Variants in TMEFF2 observed in about 807,000 individuals in gnomAD.
TMEFF2 encodes the protein tomoregulin-2.
In TMEFF2, 28 loss-of-function variants were observed where a neutral mutation model predicts 53.8. The ratio of observed to expected loss-of-function variants is 0.52; its 90% CI spans 0.39 to 0.71. The LOEUF (loss-of-function observed/expected upper bound fraction) is 0.71, where lower values mean the gene tolerates loss of function less well. TMEFF2 is among the 30% of genes least tolerant of loss of function. TMEFF2 has a pLI of 0.00. For synonymous variants in TMEFF2, 162 were observed against 166.3 expected, an observed-to-expected ratio of 0.97 and a Z score of 0.20; for missense variants, 353 against 455.2, an observed-to-expected ratio of 0.78 and a Z score of 2.04.
rs1422606584 is a variant in TMEFF2 at position 191,956,396 on chromosome 2, AG to A, written c.746-19del. On this transcript the variant is annotated intron_variant, in intron 7 of 9. Transcript: ENST00000272771. ...AGCATTCTCTGTGAATACAGATAAA[AG>A]TAAGCACCCCCTGTAAATACTTAGC... 1.2e-6 allele frequency: 2 copies of A among 1,609,830 alleles called. No homozygotes were observed. Among genetic ancestry groups the A allele is most frequent in the Admixed American group, 3.4e-5 (2 of 59,242 alleles).
chr2:192,049,651 C>T (rs944777008), intron 5 of TMEFF2, among the ~76,000 whole-genome samples: 25 of 151,998 alleles, frequency 1.6e-4, no homozygotes, highest in Admixed American at 1.2e-3. Context: ...AGTTAGGCAA[C>T]CTACCATTAA....
At chr2:192,045,176 G>T (rs1213193127) in intron 5 of TMEFF2, among the ~76,000 whole-genome samples, 1 of 152,140 alleles carries the variant, frequency 6.6e-6, no homozygotes, top group East Asian at 1.9e-4. Context: ...CCTGAAAGTG[G>T]GCAGCTGCAG....
chr2:192,188,134 T>A (rs572276997), intron 2 of TMEFF2, among the ~76,000 whole-genome samples: 1 of 152,222 alleles, frequency 6.6e-6, no homozygotes, highest in Non-Finnish European at 1.5e-5. Flanking sequence ...TCCAATCCTT[T>A]GGCCATTCCA....
At chr2:192,047,266 T>G (rs902274252) in intron 5 of TMEFF2, among the ~76,000 whole-genome samples, 1 of 152,236 alleles carries the variant, frequency 6.6e-6, no homozygotes, top group African/African-American at 2.4e-5. Context: ...TAATTTTTGC[T>G]AATGTGAAGC....
chr2:192,049,345 A>G (rs1398335768), intron 5 of TMEFF2, among the ~76,000 whole-genome samples: 3 of 152,210 alleles, frequency 2.0e-5, no homozygotes, highest in Non-Finnish European at 2.9e-5. Context: ...GTTTTGTAAC[A>G]TGAGAATTAC....
chr2:192,034,032 G>A lies in TMEFF2; in HGVS notation c.536+23647C>T, dbSNP rs899326333. On this transcript the variant is annotated intron_variant, in intron 5 of 9. Coordinates refer to ENST00000272771, the MANE Select transcript of TMEFF2 (RefSeq NM_016192.4). The stretch of plus-strand genomic sequence containing the variant: ...CTACTAAAAATACAAAAAATTAGCC[G>A]GGCGTGGTGGCAAGCGCCTGTAGTC... Among the ~76,000 whole-genome samples, 35 of 151,920 alleles carry A rather than the reference G, an allele frequency of 2.3e-4. No homozygotes were observed. The East Asian group carries it at 5.1e-3, about 22-fold the overall frequency.
At chr2:192,133,088 A>G (rs916258639) in intron 4 of TMEFF2, among the ~76,000 whole-genome samples, 2 of 151,972 alleles carry the variant, frequency 1.3e-5, no homozygotes, top group African/African-American at 2.4e-5. Flanking sequence ...TAAACCTCTT[A>G]AAACTCCCCA....
In TMEFF2 at chr2:192,123,754, C is replaced by A. The variant is rs369657121; in HGVS notation, c.439+55914G>T. ...AATTAGTCCTCTGAGTTATTACAAACCATGATGATGTTTTGAACAAGCTAA... is the reference window on the plus strand; with the variant it reads ...AATTAGTCCTCTGAGTTATTACAAAACATGATGATGTTTTGAACAAGCTAA... On this transcript the variant is annotated intron_variant, in intron 4 of 9. Transcript: ENST00000272771. Among the ~76,000 whole-genome samples the A allele has an allele frequency of 2.8e-4, 43 of 152,234 alleles. 1 individual carries two copies. In the South Asian group the frequency reaches 8.3e-3, roughly 29 times the overall value.
At chr2:192,057,610 G>A in intron 5 of TMEFF2, 69 bp downstream of exon 5, 1 of 1,283,700 alleles carries the variant, frequency 7.8e-7, no homozygotes, top group Non-Finnish European at 1.1e-6. Context: ...TTGCAGAATG[G>A]TTGATGGTGT....
chr2:192,017,618 CTT>C (rs959248369), intron 5 of TMEFF2, among the ~76,000 whole-genome samples: 3 of 152,142 alleles, frequency 2.0e-5, no homozygotes, highest in South Asian at 2.1e-4. Flanking sequence ...TTTAATATCT[CTT>C]TTTATCTTTC....
In TMEFF2 at chr2:191,950,344, G is replaced by A. The variant is rs1336657013; in HGVS notation, c.1092C>T (p.Asp364=). The stretch of plus-strand genomic sequence containing the variant: ...ACCTCGTGGACGCTCTTGTTGTATT[G>A]TCTGAACTGTAGTGCCCTGTATTTT... The part of the protein sequence containing the change: ...QKQNTGHYSS[D]NTTRASTRLI The change falls in exon 10 of 10, where the codon GAC becomes GAT. Residue 364 remains aspartate, a synonymous_variant. Coordinates refer to ENST00000272771, the MANE Select transcript of TMEFF2 (RefSeq NM_016192.4). 7.4e-6 allele frequency: 12 copies of A among 1,613,698 alleles called. No individual in the cohort carries two copies. The highest frequency in any genetic ancestry group is 4.5e-5 in the East Asian group (2 of 44,838).
intron 4 of TMEFF2, among the ~76,000 whole-genome samples, chr2:192,087,235 T>C (rs1574360758): frequency 6.6e-6 from 1 of 152,054 alleles, no homozygotes; most frequent in Non-Finnish European, 1.5e-5. Flanking sequence ...AGATATTTAA[T>C]CCCCAACCAT....
At chr2:192,013,259 A>G (rs1686672369) in intron 5 of TMEFF2, among the ~76,000 whole-genome samples, 1 of 152,022 alleles carries the variant, frequency 6.6e-6, no homozygotes, top group African/African-American at 2.4e-5. Context: ...TGCTCCAACC[A>G]CACTAGACTT....
chr2:191,990,796 T>C (rs1029786000), intron 7 of TMEFF2, among the ~76,000 whole-genome samples: 2 of 151,592 alleles, frequency 1.3e-5, no homozygotes, highest in East Asian at 1.9e-4. Flanking sequence ...GTGTGAATTA[T>C]TGACATGTGA....
intron 5 of TMEFF2, among the ~76,000 whole-genome samples, chr2:192,004,470 A>G (rs1230502432): frequency 6.6e-6 from 1 of 152,186 alleles, no homozygotes; most frequent in Non-Finnish European, 1.5e-5. Context: ...ACTGAAAAAC[A>G]TAAGGCTCTG....
intron 4 of TMEFF2, among the ~76,000 whole-genome samples, chr2:192,136,308 TAAGAC>T (rs1166537643): frequency 6.6e-6 from 1 of 152,178 alleles, no homozygotes; most frequent in Non-Finnish European, 1.5e-5. Context: ...TTGATAATGA[TAAGAC>T]AAGAAAGAGA....
chr2:192,147,752 A>T (rs532324424), intron 4 of TMEFF2, among the ~76,000 whole-genome samples: 3 of 152,194 alleles, frequency 2.0e-5, no homozygotes, highest in South Asian at 4.1e-4. Flanking sequence ...GGAAGCATTT[A>T]CTTGACTTTC....
At chr2:192,181,470 A>G (rs1691183297) in intron 3 of TMEFF2, among the ~76,000 whole-genome samples, 1 of 151,778 alleles carries the variant, frequency 6.6e-6, no homozygotes, top group Non-Finnish European at 1.5e-5. Context: ...ATAAAGGCTT[A>G]GGAGTTACAA....
chr2:192,066,023 T>C (rs1317074737), intron 4 of TMEFF2, among the ~76,000 whole-genome samples: 1 of 151,752 alleles, frequency 6.6e-6, no homozygotes, highest in Non-Finnish European at 1.5e-5. Context: ...TTTTGAGCTG[T>C]AGTCATATTT....
Sources: allele counts gnomAD v4.1 joint callset (sites outside exome capture counted in the v4.1 genomes callset), GRCh38; gene constraint gnomAD v4.1.1; transcripts MANE v1.5; gene names NCBI Gene and HGNC (gene_info 2026-07-23, HGNC 2026-07-21).